SPSB1: variants seen among roughly 807,000 people sequenced by gnomAD.
The protein encoded by SPSB1 is SPRY domain-containing SOCS box protein 1.
Under a neutral mutation model 21.2 loss-of-function variants are expected in SPSB1, and 8 were observed. The ratio of observed to expected loss-of-function variants is 0.38; its 90% confidence interval spans 0.22 to 0.68. SPSB1 has a LOEUF of 0.68. Ranked by LOEUF, SPSB1 falls within the 30% of genes least tolerant of loss-of-function variation. The pLI is 0.53. For synonymous variants in SPSB1, 169 were observed against 161.7 expected (o/e 1.05, Z -0.34); for missense variants, 242 against 377.8 (o/e 0.64, Z 2.98).
intron 2 of SPSB1, among the ~76,000 whole-genome samples, chr1:9,357,995 A>C (rs932727002): frequency 1.3e-5 from 2 of 152,174 alleles, no homozygotes; most frequent in African/African-American, 4.8e-5. Flanking sequence ...CTCTAACCCC[A>C]CCCTGCAGGC....
At chr1:9,313,853 C>T (rs1434712872) in intron 1 of SPSB1, among the ~76,000 whole-genome samples, 2 of 152,266 alleles carry the variant, frequency 1.3e-5, no homozygotes, top group East Asian at 3.9e-4. Context: ...CTGGGGATCT[C>T]GAATCTCCTG....
intron 1 of SPSB1, among the ~76,000 whole-genome samples, chr1:9,331,537 G>A (rs1639919888): frequency 2.6e-5 from 4 of 151,924 alleles, no homozygotes; most frequent in Admixed American, 2.6e-4. Context: ...TCATCATGTT[G>A]ACCAGGCTGG....
chr1:9,327,557 T>C (rs1350220494), intron 1 of SPSB1, among the ~76,000 whole-genome samples: 1 of 151,810 alleles, frequency 6.6e-6, no homozygotes, highest in Admixed American at 6.6e-5. Flanking sequence ...CAGCAGGATC[T>C]GAGCACTTGT....
intron 1 of SPSB1, among the ~76,000 whole-genome samples, chr1:9,303,815 A>G (rs1309273775): frequency 1.3e-5 from 2 of 152,210 alleles, no homozygotes; most frequent in African/African-American, 4.8e-5. Context: ...CGAACCTGTG[A>G]TGATTGATTT....
At chr1:9,350,612 G>A (rs995571462) in intron 1 of SPSB1, among the ~76,000 whole-genome samples, 3 of 152,192 alleles carry the variant, frequency 2.0e-5, no homozygotes, top group South Asian at 2.1e-4. Flanking sequence ...GCGTGCATGC[G>A]TGTGTGTGGT....
chr1:9,366,701 G>A (rs1640578046), intron 2 of SPSB1, among the ~76,000 whole-genome samples: 1 of 151,948 alleles, frequency 6.6e-6, no homozygotes, highest in South Asian at 2.1e-4. Context: ...AGACTCCTGA[G>A]TAGCTGGGAT....
chr1:9,303,375 G>T (rs1051431671), intron 1 of SPSB1, among the ~76,000 whole-genome samples: 1 of 152,226 alleles, frequency 6.6e-6, no homozygotes, highest in African/African-American at 2.4e-5. Context: ...GAACAGGACA[G>T]AGGGAGGTAG....
At chr1:9,336,833 T>C (rs531591985) in intron 1 of SPSB1, among the ~76,000 whole-genome samples, 4 of 152,158 alleles carry the variant, frequency 2.6e-5, no homozygotes, top group Non-Finnish European at 5.9e-5. Context: ...GCCCTCCATC[T>C]CCATTTATAG....
Position 9,362,035 on chromosome 1 carries a change from C to T in SPSB1, c.695-5413C>T, listed in dbSNP as rs191764217. ...CCCAGATGGGTTTGGTGTGGTTTGT[C>T]GTGGTTGAAGGTTCAGGGAAGGTCA... On this transcript the variant is annotated intron_variant, in intron 2 of 2. Transcript: ENST00000328089. Among the ~76,000 whole-genome samples, 567 of 152,328 alleles carry T rather than the reference C, an allele frequency of 3.7e-3. 5 individuals are homozygous for T. Among genetic ancestry groups the T allele is most frequent in the Middle Eastern group, 0.027 (8 of 294 alleles).
At chr1:9,361,561 T>C (rs1640478211) in intron 2 of SPSB1, among the ~76,000 whole-genome samples, 1 of 152,112 alleles carries the variant, frequency 6.6e-6, no homozygotes, top group Non-Finnish European at 1.5e-5. Context: ...CGCAGCAGAG[T>C]CCCGGCTTCT....
chr1:9,307,499 C>A (rs1639439482), intron 1 of SPSB1, among the ~76,000 whole-genome samples: 1 of 152,204 alleles, frequency 6.6e-6, no homozygotes, highest in African/African-American at 2.4e-5. Context: ...CGTTGCATGG[C>A]CTTCTGCGTC....
At chr1:9,338,284 T>C (rs1178169322) in intron 1 of SPSB1, among the ~76,000 whole-genome samples, 1 of 152,120 alleles carries the variant, frequency 6.6e-6, no homozygotes, top group Non-Finnish European at 1.5e-5. Flanking sequence ...CAGGACCCCT[T>C]TGTGGGGTGC....
chr1:9,311,780 G>T, intron 1 of SPSB1, among the ~76,000 whole-genome samples: 1 of 152,226 alleles, frequency 6.6e-6, no homozygotes, highest in South Asian at 2.1e-4. Flanking sequence ...GTGTGTTTGG[G>T]ATGGGACCTC....
rs578032393 is a variant in SPSB1, at chr1:9,317,028, G to A, written c.-150+23957G>A. Among the ~76,000 whole-genome samples the A allele has an allele frequency of 1.9e-4, 29 of 152,180 alleles. No homozygotes were observed. Among genetic ancestry groups the A allele is most frequent in the Non-Finnish European group, 2.9e-4 (20 of 68,030 alleles). ...TTCCTGCTTCCAAGTGGAAACACAC[G>A]GTGGAATTTAGAATCCTTAACCTGG... On this transcript the variant is annotated intron_variant, in intron 1 of 2. Coordinates refer to ENST00000328089, the MANE Select transcript of SPSB1 (RefSeq NM_025106.4). This position sits in a 1 kb window ranked among gnomAD's most constrained non-coding sequence, Gnocchi z 4.3.
chr1:9,329,520 A>T (rs1282837352), intron 1 of SPSB1, among the ~76,000 whole-genome samples: 1 of 151,978 alleles, frequency 6.6e-6, no homozygotes. Flanking sequence ...CAACACAATG[A>T]AACCCCGTCT....
At chr1:9,351,175 A>G (rs1640249401) in intron 1 of SPSB1, among the ~76,000 whole-genome samples, 1 of 152,230 alleles carries the variant, frequency 6.6e-6, no homozygotes, top group African/African-American at 2.4e-5. Context: ...CCATTGATTT[A>G]CATATTGTCC....
chr1:9,338,444 A>G (rs1054802231), intron 1 of SPSB1, among the ~76,000 whole-genome samples: 6 of 152,204 alleles, frequency 3.9e-5, no homozygotes, highest in Admixed American at 2.6e-4. Context: ...TGTGGGGGTC[A>G]GTGTACCTAA....
rs534943568 is a variant in SPSB1 at position 9,324,654 on chromosome 1, C to G, written c.-149-31089C>G. 6.6e-6 allele frequency among the ~76,000 whole-genome samples: 1 copy of G among 152,246 alleles called. No homozygotes were observed. The highest frequency in any genetic ancestry group is 1.9e-4 in the East Asian group (1 of 5,178). On this transcript the variant is annotated intron_variant, in intron 1 of 2. Coordinates refer to ENST00000328089, the MANE Select transcript of SPSB1 (RefSeq NM_025106.4). This position sits in a 1 kb window ranked among gnomAD's most constrained non-coding sequence, Gnocchi z 4.3. The stretch of plus-strand genomic sequence containing the variant: ...TGCCAGTGGCCAGCCTGTCTTGTTC[C>G]TATAAAGGGCACTTTGTGTGTGGCT...
intron 1 of SPSB1, among the ~76,000 whole-genome samples, chr1:9,299,223 T>C (rs867492137): frequency 2.0e-5 from 3 of 152,220 alleles, no homozygotes; most frequent in Non-Finnish European, 4.4e-5. Flanking sequence ...CAGAAGCAGT[T>C]TGCATCCAGC....
Sources: allele counts gnomAD v4.1 joint callset (sites outside exome capture counted in the v4.1 genomes callset), GRCh38; gene constraint gnomAD v4.1.1; non-coding constraint Gnocchi (gnomAD v3.1); transcripts MANE v1.5; gene names NCBI Gene and HGNC (gene_info 2026-07-23, HGNC 2026-07-21).